The following FHIT variants were observed in gnomAD, a reference collection of about 807,000 sequenced individuals.
The protein encoded by FHIT is bis(5'-adenosyl)-triphosphatase.
A neutral mutation model predicts 17.9 loss-of-function variants in FHIT; 19 were observed. That is an observed-to-expected ratio of 1.06 (90% CI 0.74 to 1.56). FHIT has a LOEUF of 1.56. Among genes scored for constraint, FHIT ranks in the 40% most tolerant of loss-of-function variants. FHIT has a pLI of 0.00. For synonymous variants in FHIT, 81 were observed against 69.7 expected (o/e 1.16, Z -0.81); for missense variants, 248 against 189.2 (o/e 1.31, Z -1.82).
intron 3 of FHIT, among the ~76,000 whole-genome samples, chr3:60,859,723 A>ATTTTTTTTTTTTTTTTTTTTTTTTTTTT (rs71092647): frequency 1.9e-5 from 1 of 51,886 alleles, no homozygotes; most frequent in Non-Finnish European, 3.4e-5. Flanking sequence ...TCTGAATACG[A>ATTTTTTTTTTTTTTTTTTTTTTTTTTTT]TTTTTTTTTT....
chr3:60,023,960 T>C (rs1036870290), intron 5 of FHIT, among the ~76,000 whole-genome samples: 17 of 149,086 alleles, frequency 1.1e-4, no homozygotes, highest in Non-Finnish European at 2.2e-4. Context: ...CTTACTTAAA[T>C]GTAAACCATT....
chr3:60,436,255 G>T (rs2030228188), intron 5 of FHIT, among the ~76,000 whole-genome samples: 1 of 151,902 alleles, frequency 6.6e-6, no homozygotes, highest in Non-Finnish European at 1.5e-5. Context: ...TCACCATGTT[G>T]GCCAGGATGG....
intron 5 of FHIT, among the ~76,000 whole-genome samples, chr3:60,425,945 G>T (rs772054773): frequency 4.6e-5 from 7 of 152,096 alleles, no homozygotes; most frequent in African/African-American, 7.2e-5. Context: ...TCACCACCTG[G>T]CTGGGGAATT....
chr3:60,879,293 C>T (rs1704842353), intron 3 of FHIT, among the ~76,000 whole-genome samples: 1 of 152,202 alleles, frequency 6.6e-6, no homozygotes, highest in Non-Finnish European at 1.5e-5. Context: ...CAGGCATCCA[C>T]AGTTACTGTT....
At chr3:60,361,771 C>G (rs141371686) in intron 5 of FHIT, among the ~76,000 whole-genome samples, 88 of 152,270 alleles carry the variant, frequency 5.8e-4, no homozygotes, top group African/African-American at 2.0e-3. Flanking sequence ...AAAGTTCTTA[C>G]CATATCTCTC....
chr3:59,755,573 T>G (rs991231302), intron 8 of FHIT, among the ~76,000 whole-genome samples: 2 of 152,336 alleles, frequency 1.3e-5, no homozygotes, highest in East Asian at 3.9e-4. Flanking sequence ...TTACTTTGGC[T>G]GCCCACAGGG....
chr3:60,501,942 G>C (rs927750767), intron 5 of FHIT, among the ~76,000 whole-genome samples: 6 of 152,202 alleles, frequency 3.9e-5, no homozygotes, highest in Non-Finnish European at 8.8e-5. Context: ...GCGGTTCTTT[G>C]ATAAGCAGCA....
intron 5 of FHIT, among the ~76,000 whole-genome samples, chr3:60,202,214 T>C (rs1702948009): frequency 6.6e-6 from 1 of 152,204 alleles, no homozygotes; most frequent in Non-Finnish European, 1.5e-5. Context: ...TCACTTCACT[T>C]TTCTGGACCA....
chr3:61,065,858 C>T (rs2034590285), intron 2 of FHIT, among the ~76,000 whole-genome samples: 1 of 152,118 alleles, frequency 6.6e-6, no homozygotes, highest in Non-Finnish European at 1.5e-5. Flanking sequence ...GTTCTACAGA[C>T]CCATTACAGA....
intron 2 of FHIT, among the ~76,000 whole-genome samples, chr3:61,181,728 T>C (rs576442631): frequency 6.6e-6 from 1 of 152,288 alleles, no homozygotes; most frequent in South Asian, 2.1e-4. Flanking sequence ...CCACTTATAA[T>C]TGCAGTAACA....
At chr3:60,954,196 A>C (rs1709015272) in intron 3 of FHIT, among the ~76,000 whole-genome samples, 1 of 152,210 alleles carries the variant, frequency 6.6e-6, no homozygotes, top group Non-Finnish European at 1.5e-5. Flanking sequence ...ATCCAGATGG[A>C]AAGCATTCTG....
chr3:60,909,079 G>A (rs1322988040), intron 3 of FHIT, among the ~76,000 whole-genome samples: 1 of 152,104 alleles, frequency 6.6e-6, no homozygotes, highest in East Asian at 1.9e-4. Flanking sequence ...CTATAAAAGA[G>A]GGTAATCTTG....
At chr3:60,470,946 G>A (rs2107446673) in intron 5 of FHIT, among the ~76,000 whole-genome samples, 1 of 152,250 alleles carries the variant, frequency 6.6e-6, no homozygotes, top group Non-Finnish European at 1.5e-5. Flanking sequence ...TGCAAGAACT[G>A]AGTCCCTCCC....
chr3:60,017,575 T>C (rs765829583), intron 5 of FHIT, among the ~76,000 whole-genome samples: 6 of 152,348 alleles, frequency 3.9e-5, no homozygotes, highest in South Asian at 2.1e-4. Flanking sequence ...CTGAGAATTA[T>C]GGACCTTCTC....
At chr3:60,223,932 C>T (rs558223986) in intron 5 of FHIT, among the ~76,000 whole-genome samples, 13 of 152,128 alleles carry the variant, frequency 8.5e-5, no homozygotes, top group Non-Finnish European at 1.5e-4. Context: ...GCGTCCTGTT[C>T]TCTCTCAATT....
chr3:60,636,931 G>T (rs1276919551), intron 4 of FHIT, among the ~76,000 whole-genome samples: 1 of 152,138 alleles, frequency 6.6e-6, no homozygotes, highest in Non-Finnish European at 1.5e-5. Context: ...TGCTTTGATG[G>T]TGCCTTTCTC....
At chr3:60,524,242 A>G in intron 5 of FHIT, among the ~76,000 whole-genome samples, 1 of 119,198 alleles carries the variant, frequency 8.4e-6, no homozygotes, top group East Asian at 2.6e-4. Context: ...ACACACACAC[A>G]CACACAAATA....
chr3:59,888,892 G>A (rs1201144649), intron 8 of FHIT, among the ~76,000 whole-genome samples: 2 of 152,228 alleles, frequency 1.3e-5, no homozygotes, highest in African/African-American at 4.8e-5. Flanking sequence ...CATCCAGTGA[G>A]GGCCTTCTTG....
At chr3:60,263,696 T>G (rs1221549947) in intron 5 of FHIT, among the ~76,000 whole-genome samples, 1 of 151,972 alleles carries the variant, frequency 6.6e-6, no homozygotes, top group Non-Finnish European at 1.5e-5. Context: ...TGCAAAACTG[T>G]GGAAGAAACT....
Sources: allele counts gnomAD v4.1 joint callset (sites outside exome capture counted in the v4.1 genomes callset), GRCh38; gene constraint gnomAD v4.1.1; transcripts MANE v1.5; gene names NCBI Gene and HGNC (gene_info 2026-07-23, HGNC 2026-07-21).